The following SH3TC1 variants were observed in gnomAD, a reference collection of about 807,000 sequenced individuals.
SH3TC1 encodes the protein SH3 domain and tetratricopeptide repeat-containing protein 1.
In SH3TC1, 135 loss-of-function variants were observed where a neutral mutation model predicts 117.3. The ratio of observed to expected loss-of-function variants is 1.15; its 90% CI spans 1.00 to 1.33. The LOEUF is 1.33. Ranked by LOEUF, SH3TC1 falls within the 40% of genes most tolerant of loss-of-function variation. The pLI, the probability that SH3TC1 is intolerant of heterozygous loss-of-function variation, is 0.00. For synonymous variants in SH3TC1, 898 were observed against 816.9 expected (o/e 1.10, Z -1.69); for missense variants, 2,092 against 1,794.3 (o/e 1.17, Z -3.00).
intron 17 of SH3TC1, among the ~76,000 whole-genome samples, chr4:8,238,540 T>G (rs756220123): frequency 7.2e-5 from 11 of 151,994 alleles, no homozygotes; most frequent in Non-Finnish European, 1.2e-4. Context: ...TAGAACAACA[T>G]GAGGAGCTGC....
intron 9 of SH3TC1, among the ~76,000 whole-genome samples, chr4:8,220,387 T>TC (rs1554135196): frequency 4.6e-5 from 7 of 151,516 alleles, no homozygotes; most frequent in Admixed American, 1.3e-4. Flanking sequence ...GTGGCTCCTC[T>TC]GGGGGGGGCA....
intron 4 of SH3TC1, 104 bp from the exon 5 acceptor site, chr4:8,214,371 C>A: frequency 9.5e-7 from 1 of 1,054,148 alleles, no homozygotes. Context: ...CGTCCCCCGC[C>A]GGGGCCACAT....
intron 5 of SH3TC1, among the ~76,000 whole-genome samples, chr4:8,215,792 C>G (rs567602415): frequency 6.6e-6 from 1 of 152,226 alleles, no homozygotes; most frequent in East Asian, 1.9e-4. Flanking sequence ...GCCCATACCC[C>G]CTGCGGCCTG....
In SH3TC1 at chr4:8,233,977, T is replaced by A. The variant is rs544011958; in HGVS notation, c.3282+464T>A. Among the ~76,000 whole-genome samples the A allele has an allele frequency of 8.2e-3, 1,024 of 124,892 alleles. 39 individuals are homozygous for A. Among genetic ancestry groups the A allele is most frequent in the Admixed American group, 0.069 (889 of 12,894 alleles). 81.9% of individuals were successfully genotyped at this position (124,892 alleles called of 152,430 possible). On this transcript the variant is annotated intron_variant, in intron 14 of 17. Transcript: ENST00000245105. Reference sequence around the variant, plus strand: ...ATCCATCCATTCACCTGTTTGTCCATCCATCCATCCATCATCCATCCATCC... The same window carrying A: ...ATCCATCCATTCACCTGTTTGTCCAACCATCCATCCATCATCCATCCATCC...
Position 8,217,055 on chromosome 4 carries a change from G to A in SH3TC1, c.727G>A (p.Ala243Thr), listed in dbSNP as rs766520849. 4.3e-6 allele frequency: 7 copies of A among 1,612,954 alleles called. No individual in the cohort carries two copies. Among genetic ancestry groups the A allele is most frequent in the African/African-American group, 1.3e-5 (1 of 75,044 alleles). ...GPQALRQASG[A>T]PQGEAAPETD... ...CCAGGCCCTCAGGCAGGCTTCGGGG[G>A]CACCCCAGGGAGAGGCGGCCCCGGA... is the stretch of plus-strand genomic sequence containing the variant. The change falls in exon 7 of 18, where the codon GCA becomes ACA. Residue 243 changes from alanine (A) to threonine (T), a missense_variant. By Grantham distance (58) the Ala-to-Thr change is moderately conservative. Coordinates refer to ENST00000245105, the MANE Select transcript of SH3TC1 (RefSeq NM_018986.5).
Position 8,214,517 on chromosome 4 carries a change from C to CAGGACCAGGACCA in SH3TC1, c.418_419insAGGACCAGGACCA (p.Arg140GlnfsTer11). ...GCTGTCCATCCACAGTGACCAGGAC[C>CAGGACCAGGACCA]GGATCGTGGTGACGTTTAAGACTTT... On this transcript the variant is annotated frameshift_variant, in exon 5 of 18. Coordinates refer to ENST00000245105, the MANE Select transcript of SH3TC1 (RefSeq NM_018986.5). LOFTEE classifies it high-confidence loss of function. 6.2e-7 allele frequency: 1 copy of CAGGACCAGGACCA among 1,613,920 alleles called. No individual in the cohort carries two copies. The highest frequency in any genetic ancestry group is 8.5e-7 in the Non-Finnish European group (1 of 1,179,954).
At chr4:8,212,552 T>C (rs527729287) in intron 3 of SH3TC1, 149 bp from the exon 4 acceptor site, 148 of 1,096,850 alleles carry the variant, frequency 1.3e-4, no homozygotes, top group Non-Finnish European at 1.6e-4. Flanking sequence ...GGTTGAGATC[T>C]AAACCCGGGG....
At chr4:8,230,896 C>T (rs944160633) in intron 12 of SH3TC1, among the ~76,000 whole-genome samples, 1 of 151,650 alleles carries the variant, frequency 6.6e-6, no homozygotes, top group South Asian at 2.1e-4. Context: ...TCTCCTGCCT[C>T]GGCCTCCTGA....
intron 12 of SH3TC1, among the ~76,000 whole-genome samples, chr4:8,230,244 C>T (rs1158518954): frequency 6.6e-6 from 1 of 152,186 alleles, no homozygotes; most frequent in Non-Finnish European, 1.5e-5. Context: ...TCTGTCAGGT[C>T]AGCAATAATG....
upstream of SH3TC1, among the ~76,000 whole-genome samples, chr4:8,194,785 G>A (rs1717509719): frequency 6.6e-6 from 1 of 152,226 alleles, no homozygotes; most frequent in African/African-American, 2.4e-5. Context: ...CTGGAGCTTG[G>A]TGCTCGAAGG....
At position 8,228,152 on chromosome 4, in the gene SH3TC1, G is replaced by A. The variant is rs75095706; in HGVS notation, c.2458G>A (p.Gly820Arg). 5.7e-3 allele frequency: 9,171 copies of A among 1,612,062 alleles called. 258 individuals are homozygous for A. Among genetic ancestry groups the A allele is most frequent in the African/African-American group, 0.051 (3,852 of 75,036 alleles). ...TQAVEASAIA[G>R]VRAIVDHLVA... ...GGCAGTGGAAGCCAGTGCTATTGCC[G>A]GAGTCCGTGCCATCGTGGACCACCT... The change falls in exon 12 of 18, where the codon GGA becomes AGA. Residue 820 changes from glycine (G) to arginine (R), a missense_variant. Coordinates refer to ENST00000245105, the MANE Select transcript of SH3TC1 (RefSeq NM_018986.5).
At position 8,190,064 on chromosome 4, in the gene SH3TC1, G is replaced by A. The variant is rs1476588440; in HGVS notation, c.-57+7854G>A. On this transcript the variant is annotated intron_variant, in intron 1 of 16. Coordinates refer to the SH3TC1 transcript ENST00000508641. This position sits in a 1 kb window ranked among gnomAD's most constrained non-coding sequence, Gnocchi z 4.7. ...CGTTGATGCGAGGCCAGGAAGTAGGGCCTGGAAAGTAGCACTTGAGGTTTT... is the reference window on the plus strand; with the variant it reads ...CGTTGATGCGAGGCCAGGAAGTAGGACCTGGAAAGTAGCACTTGAGGTTTT... 5.3e-5 allele frequency among the ~76,000 whole-genome samples: 8 copies of A among 152,232 alleles called. No individual in the cohort carries two copies. The highest frequency in any genetic ancestry group is 1.2e-4 in the Non-Finnish European group (8 of 68,028).
At chr4:8,230,093 G>A (rs1721046822) in intron 12 of SH3TC1, among the ~76,000 whole-genome samples, 1 of 152,146 alleles carries the variant, frequency 6.6e-6, no homozygotes, top group Admixed American at 6.5e-5. Context: ...GGGTGGGGCT[G>A]ATACCCCACA....
intron 9 of SH3TC1, among the ~76,000 whole-genome samples, chr4:8,222,377 T>G (rs944801499): frequency 1.1e-4 from 16 of 139,368 alleles, no homozygotes; most frequent in African/African-American, 3.2e-4. Flanking sequence ...TTTTTTTTTT[T>G]TTTTTTTTTT....
Position 8,205,282 on chromosome 4 carries a change from G to A in SH3TC1, c.88G>A (p.Asp30Asn), listed in dbSNP as rs1168068516. Residue 30 changes from aspartate (D) to asparagine (N), a missense_variant, in exon 2 of 18, where the codon GAC (aspartate) becomes AAC (asparagine). Physicochemically the swap from Asp to Asn is conservative, Grantham distance 23. Transcript: ENST00000245105. This position sits in a 1 kb window ranked among gnomAD's most constrained non-coding sequence, Gnocchi z 5.4. ...ACCCTCAGGAGGTGGCAGCACCCGGGACCAGGTCCGGACTGTGGTCATGAG... is the reference window on the plus strand; with the variant it reads ...ACCCTCAGGAGGTGGCAGCACCCGGAACCAGGTCCGGACTGTGGTCATGAG... ...VGPSGGGSTR[D>N]QVRTVVMRPS... The A allele has an allele frequency of 6.4e-7, 1 of 1,550,534 alleles. No individual in the cohort carries two copies. Among genetic ancestry groups the A allele is most frequent in the Non-Finnish European group, 8.7e-7 (1 of 1,147,038 alleles).
In SH3TC1 at chr4:8,221,562, TGAC is replaced by T; in HGVS notation, c.1113-1277_1113-1275del. On this transcript the variant is annotated intron_variant, in intron 9 of 17. Transcript: ENST00000245105. ...AGATTGCACAAATGTTAACATGTTA[TGAC>T]ATTTGCTTTATTGCTTTCTCTCTTT... Among the ~76,000 whole-genome samples the T allele has an allele frequency of 1.3e-5, 2 of 152,356 alleles. 1 individual carries two copies. The highest frequency in any genetic ancestry group is 2.9e-5 in the Non-Finnish European group (2 of 68,034).
chr4:8,187,453 G>C (rs953847581), intron 1 of SH3TC1, among the ~76,000 whole-genome samples: 3 of 152,112 alleles, frequency 2.0e-5, no homozygotes, highest in African/African-American at 7.2e-5. Context: ...GAATTCTTTT[G>C]CCCGGGGGGG....
chr4:8,205,122 T>G lies in SH3TC1; in HGVS notation c.-28-45T>G. ...GGCCTGGACACAACCTCCGTGCTGG[T>G]TCTGGAGGGGCCACCTCTCCTGACC... On this transcript the variant is annotated intron_variant, in intron 1 of 17. Transcript: ENST00000245105. The surrounding 1 kb of genome is among the most constrained non-coding windows in gnomAD (Gnocchi z 5.4). 1 of 1,416,306 alleles carries G rather than the reference T, an allele frequency of 7.1e-7. No individual in the cohort carries two copies. Among genetic ancestry groups the G allele is most frequent in the Non-Finnish European group, 9.3e-7 (1 of 1,072,598 alleles). 87.7% of individuals were successfully genotyped at this position (1,416,306 alleles called of 1,614,324 possible).
At chr4:8,236,553 C>G (rs539659475) in intron 16 of SH3TC1, 125 bp downstream of exon 16, 3 of 1,302,866 alleles carry the variant, frequency 2.3e-6, no homozygotes, top group South Asian at 3.3e-5. Flanking sequence ...GCAGGCACAT[C>G]TGCCCAGCTG....
Sources: gnomAD v4.1 joint callset for allele counts (sites outside exome capture counted in the v4.1 genomes callset) on GRCh38, gnomAD v4.1.1 for gene constraint, Gnocchi (gnomAD v3.1) non-coding constraint, MANE v1.5 for transcripts, NCBI Gene and HGNC (gene_info 2026-07-23, HGNC 2026-07-21) for gene names.